ANKRD18A: variants seen among roughly 807,000 people sequenced by gnomAD.
ANKRD18A encodes ankyrin repeat domain 18A.
In ANKRD18A, 72 loss-of-function variants were observed where a neutral mutation model predicts 110.6. The observed-to-expected ratio is 0.65, with a 90% CI of 0.54 to 0.79. ANKRD18A has a LOEUF of 0.79. ANKRD18A is among the 30% of genes least tolerant of loss of function. The pLI, the probability that ANKRD18A is intolerant of heterozygous loss-of-function variation, is 0.00. For synonymous variants in ANKRD18A, 305 were observed against 410.3 expected, an observed-to-expected ratio of 0.74 and a Z score of 3.10; for missense variants, 934 against 1,163.3, an observed-to-expected ratio of 0.80 and a Z score of 2.87.
intron 5 of ANKRD18A, 24 bp downstream of exon 5, chr9:38,610,249 C>T (rs557726929): frequency 7.8e-5 from 117 of 1,496,754 alleles, no homozygotes; most frequent in South Asian, 4.9e-4. Context: ...TAGTATTAAC[C>T]GGTCTTTTAA....
chr9:38,577,047 A>G lies in ANKRD18A; in HGVS notation c.2741+6T>C, dbSNP rs1461893000. On this transcript the variant is annotated splice_donor_region_variant and intron_variant, in intron 14 of 15. Transcript: ENST00000399703. The stretch of plus-strand genomic sequence containing the variant: ...TCATTTTCTATGAGTGTATGTTTTG[A>G]CTTACTTCATTAATTTTTTTGACAT... The G allele has an allele frequency of 2.5e-5, 38 of 1,543,604 alleles. No individual in the cohort carries two copies. The highest frequency in any genetic ancestry group is 3.3e-5 in the Non-Finnish European group (38 of 1,144,840).
At chr9:38,605,277 T>G (rs1351218640) in intron 6 of ANKRD18A, among the ~76,000 whole-genome samples, 6 of 152,204 alleles carry the variant, frequency 3.9e-5, no homozygotes, top group Non-Finnish European at 8.8e-5. Flanking sequence ...ATTATTTAAG[T>G]GGACAAGTAT....
At chr9:38,572,604 T>C (rs1823699392) in intron 15 of ANKRD18A, 1 of 153,534 alleles carries the variant, frequency 6.5e-6, no homozygotes, top group South Asian at 2.1e-4. Flanking sequence ...CGGAGCTCTA[T>C]TCTGTCCACT....
At chr9:38,588,950 A>T (rs898984731) in intron 10 of ANKRD18A, among the ~76,000 whole-genome samples, 5 of 152,234 alleles carry the variant, frequency 3.3e-5, no homozygotes, top group Admixed American at 2.0e-4. Context: ...AGTAAGATAC[A>T]TTAAGAGTAG....
chr9:38,595,347 G>T, intron 9 of ANKRD18A, 139 bp downstream of exon 9: 1 of 887,430 alleles, frequency 1.1e-6, no homozygotes, highest in Middle Eastern at 3.7e-4. Context: ...TTTCCTGGAT[G>T]ATTCATGTAA....
Position 38,577,095 on chromosome 9 carries a change from C to G in ANKRD18A, c.2699G>C (p.Gly900Ala), listed in dbSNP as rs2993206. 43,588 of 1,547,836 alleles carry G rather than the reference C, an allele frequency of 0.028. 1,020 individuals carry two copies. The highest frequency in any genetic ancestry group is 0.12 in the African/African-American group (8,588 of 72,864). ...ELEEFKEAFAGAVKANNSMSK... is the reference protein window; with the variant it reads ...ELEEFKEAFAAAVKANNSMSK... Reference sequence around the variant, plus strand: ...CATGGAATTGTTAGCTTTCACTGCTCCTGCAAAGGCTTCCTTAAATTCTTC... The same window carrying G: ...CATGGAATTGTTAGCTTTCACTGCTGCTGCAAAGGCTTCCTTAAATTCTTC... The change falls in exon 14 of 16, where the codon GGA becomes GCA. Residue 900 changes from glycine to alanine, a missense_variant. This residue lies in a region of ANKRD18A where 223 missense variants were observed against 226.7 expected (regional missense o/e 0.98). Coordinates refer to ENST00000399703, the MANE Select transcript of ANKRD18A (RefSeq NM_147195.4).
At chr9:38,599,756 G>A (rs950915001) in intron 8 of ANKRD18A, among the ~76,000 whole-genome samples, 3 of 152,098 alleles carry the variant, frequency 2.0e-5, no homozygotes, top group East Asian at 1.9e-4. Context: ...GAGCCACCAC[G>A]CCCAGAATTG....
chr9:38,596,856 T>G (rs1342093437), intron 8 of ANKRD18A, among the ~76,000 whole-genome samples: 1 of 152,198 alleles, frequency 6.6e-6, no homozygotes, highest in African/African-American at 2.4e-5. Context: ...AAGTTCTGTT[T>G]CCCTGATCAT....
chr9:38,567,876 A>G (rs1823519460), downstream of ANKRD18A: 1 of 152,338 alleles, frequency 6.6e-6, no homozygotes, highest in South Asian at 2.1e-4. Flanking sequence ...TTGGCTGAGA[A>G]GTTGAGCTGA....
intron 8 of ANKRD18A, 63 bp downstream of exon 8, chr9:38,601,068 T>C: frequency 3.4e-6 from 5 of 1,453,218 alleles, no homozygotes; most frequent in Non-Finnish European, 3.8e-6. Flanking sequence ...GCCTATGCTA[T>C]GTTATTAAAG....
intron 11 of ANKRD18A, 97 bp downstream of exon 11, chr9:38,588,454 G>A: frequency 1.4e-6 from 1 of 690,250 alleles, no homozygotes; most frequent in Non-Finnish European, 2.0e-6. Flanking sequence ...TGAAAATGAA[G>A]ACATAAAATG....
rs1258064310 is a variant in ANKRD18A at position 38,572,117 on chromosome 9, G to A, written c.2965-58C>T. On this transcript the variant is annotated intron_variant, in intron 15 of 15. Coordinates refer to ENST00000399703, the MANE Select transcript of ANKRD18A (RefSeq NM_147195.4). Reference sequence around the variant, plus strand: ...CCTAAAACATTTCAGTTAACGAAGTGTAAGTTTAAAATGTGGAGTTGAGAA... The same window carrying A: ...CCTAAAACATTTCAGTTAACGAAGTATAAGTTTAAAATGTGGAGTTGAGAA... 5.9e-6 allele frequency: 8 copies of A among 1,355,358 alleles called. No individual in the cohort carries two copies. In the South Asian group the frequency reaches 1.1e-4, roughly 18 times the overall value. 84.0% of individuals were successfully genotyped at this position (1,355,358 alleles called of 1,614,324 possible). A position where few individuals can be genotyped will look rare whatever the true frequency, so the allele number is the denominator to read the frequency against.
rs533196788 is a variant in ANKRD18A at position 38,571,821 on chromosome 9, T to C, written c.*224A>G. The C allele has an allele frequency of 1.0e-5, 12 of 1,189,824 alleles. No individual in the cohort carries two copies. The highest frequency in any genetic ancestry group is 1.3e-5 in the Non-Finnish European group (12 of 953,792). 73.7% of individuals were successfully genotyped at this position (1,189,824 alleles called of 1,614,324 possible). A position where few individuals can be genotyped will look rare whatever the true frequency, so the allele number is the denominator to read the frequency against. ...CTAAAAAACATCATTTAAAATAACA[T>C]ATAAATATACACCATATGTGACATG... On this transcript the variant is annotated 3_prime_UTR_variant, in exon 16 of 16. Coordinates refer to ENST00000399703, the MANE Select transcript of ANKRD18A (RefSeq NM_147195.4).
rs192086168 is a variant in ANKRD18A at position 38,596,062 on chromosome 9, C to T, written c.1278G>A (p.Leu426=). 14,654 of 1,551,318 alleles carry T rather than the reference C, an allele frequency of 9.4e-3. 149 individuals are homozygous for T. The highest frequency in any genetic ancestry group is 0.037 in the South Asian group (3,096 of 83,930). ...EAEVESLHSS[L]ATAINEYNEI... ...CATTGTACTCATTTATAGCAGTGGC[C>T]AGGCTAGAATGGAGGGATTCAACTT... Residue 426 remains leucine, a synonymous_variant, in exon 9 of 16, where the codon CTG becomes CTA. Transcript: ENST00000399703.
chr9:38,601,371 T>G (rs1254291276), intron 7 of ANKRD18A, among the ~76,000 whole-genome samples, 167 bp from the exon 8 acceptor site: 2 of 152,124 alleles, frequency 1.3e-5, no homozygotes, highest in Non-Finnish European at 2.9e-5. Context: ...CCTAAAACTT[T>G]AACAAACCAC....
intron 12 of ANKRD18A, among the ~76,000 whole-genome samples, chr9:38,581,698 G>A (rs1824173963): frequency 6.6e-6 from 1 of 152,162 alleles, no homozygotes; most frequent in Non-Finnish European, 1.5e-5. Flanking sequence ...TTTGCATGGA[G>A]AAGTTAAGAC....
At position 38,578,092 on chromosome 9, in the gene ANKRD18A, G is replaced by C; in HGVS notation, c.2304C>G (p.Ala768=). The C allele has an allele frequency of 1.3e-6, 2 of 1,549,690 alleles. No individual in the cohort carries two copies. The highest frequency in any genetic ancestry group is 1.7e-6 in the Non-Finnish European group (2 of 1,146,396). Residue 768 remains alanine, a synonymous_variant, in exon 13 of 16, where the codon GCC becomes GCG. Transcript: ENST00000399703. ...CCTGATGAAGAACTTCATTGTCTTT[G>C]GCCAAATTGACACATTCTGAAGACA... ...EAVSSECVNL[A]KDNEVLHQEL...
chr9:38,590,560 T>G (rs1231722056), intron 10 of ANKRD18A, among the ~76,000 whole-genome samples: 1 of 152,226 alleles, frequency 6.6e-6, no homozygotes, highest in Non-Finnish European at 1.5e-5. Flanking sequence ...CCCTTTTTTC[T>G]TTTATAATGA....
At chr9:38,568,411 G>T (rs1055927045), downstream of ANKRD18A, 1 of 151,968 alleles carries the variant, frequency 6.6e-6, no homozygotes, top group African/African-American at 2.4e-5. Context: ...GGTGTGCCAG[G>T]AGCAGGTGGA....
Sources: allele counts gnomAD v4.1 joint callset (sites outside exome capture counted in the v4.1 genomes callset), GRCh38; gene constraint gnomAD v4.1.1; regional missense constraint gnomAD v4.1.1; transcripts MANE v1.5; gene names NCBI Gene and HGNC (gene_info 2026-07-23, HGNC 2026-07-21).